Variants in CHCHD3 observed in about 807,000 individuals in gnomAD.
CHCHD3 encodes coiled-coil-helix-coiled-coil-helix domain containing 3.
A neutral mutation model predicts 38.2 loss-of-function variants in CHCHD3; 20 were observed. That is an observed-to-expected ratio of 0.52 (90% CI 0.37 to 0.76). CHCHD3 has a LOEUF of 0.76. CHCHD3 is among the 30% of genes least tolerant of loss of function. The pLI is 0.00. For synonymous variants in CHCHD3, 82 were observed against 100.0 expected (o/e 0.82, Z 1.07); for missense variants, 245 against 279.2 (o/e 0.88, Z 0.87).
chr7:132,792,453 C>T (rs187388878), intron 7 of CHCHD3, among the ~76,000 whole-genome samples: 10 of 152,274 alleles, frequency 6.6e-5, no homozygotes, highest in Middle Eastern at 3.4e-3. Flanking sequence ...AGAAAGGGTA[C>T]GTAGCAGTGG....
chr7:133,038,063 G>T (rs1489919503), intron 2 of CHCHD3, among the ~76,000 whole-genome samples: 1 of 152,096 alleles, frequency 6.6e-6, no homozygotes, highest in South Asian at 2.1e-4. Context: ...TATCAGTTTA[G>T]CTAACAGAAG....
At chr7:133,075,826 A>G (rs1814973490) in intron 1 of CHCHD3, among the ~76,000 whole-genome samples, 1 of 152,118 alleles carries the variant, frequency 6.6e-6, no homozygotes, top group Non-Finnish European at 1.5e-5. Context: ...TTGGGAGGCC[A>G]AGGCAGGCAG....
chr7:133,053,386 C>T (rs550682411), intron 2 of CHCHD3, among the ~76,000 whole-genome samples: 78 of 152,306 alleles, frequency 5.1e-4, no homozygotes, highest in Admixed American at 9.2e-4. Context: ...CAAATCCTGA[C>T]GCCTCTGCCT....
At chr7:133,062,519 G>A (rs1814545375) in intron 2 of CHCHD3, among the ~76,000 whole-genome samples, 2 of 151,910 alleles carry the variant, frequency 1.3e-5, no homozygotes, top group African/African-American at 4.8e-5. Context: ...GATTTGCTTG[G>A]TTATGACAAA....
rs1806285420 is a variant in CHCHD3 at position 132,785,307 on chromosome 7, G to A, written c.*330C>T. ...GGAGGTTCACCAAATGATGGGGCTT[G>A]TTCAGAAGAGAAACATTTTATGGTC... is the stretch of plus-strand genomic sequence containing the variant. On this transcript the variant is annotated 3_prime_UTR_variant, in exon 8 of 8. Coordinates refer to ENST00000262570, the MANE Select transcript of CHCHD3 (RefSeq NM_017812.4). 7.4e-6 allele frequency: 2 copies of A among 269,034 alleles called. No homozygotes were observed. The highest frequency in any genetic ancestry group is 1.4e-5 in the Non-Finnish European group (2 of 142,630). 16.7% of individuals were successfully genotyped at this position (269,034 alleles called of 1,614,324 possible). A position where few individuals can be genotyped will look rare whatever the true frequency, so the allele number is the denominator to read the frequency against.
intron 1 of CHCHD3, among the ~76,000 whole-genome samples, chr7:133,079,510 G>A (rs1320436706): frequency 6.6e-6 from 1 of 152,144 alleles, no homozygotes; most frequent in African/African-American, 2.4e-5. Flanking sequence ...TCATAATAAT[G>A]GCTGCCTTTT....
intron 6 of CHCHD3, among the ~76,000 whole-genome samples, chr7:132,796,966 GTTACA>G (rs1024816941): frequency 2.0e-4 from 30 of 152,198 alleles, no homozygotes; most frequent in African/African-American, 7.2e-4. Flanking sequence ...ACTCACTGTC[GTTACA>G]TTGCTTCCAA....
intron 4 of CHCHD3, among the ~76,000 whole-genome samples, chr7:132,969,234 G>A (rs1306066942): frequency 1.3e-5 from 2 of 151,350 alleles, no homozygotes; most frequent in Admixed American, 6.6e-5. Context: ...AATACACAAG[G>A]CAAGAATAAC....
chr7:132,796,658 A>G (rs1413574692), intron 6 of CHCHD3, 81 bp from the exon 7 acceptor site: 1 of 1,184,762 alleles, frequency 8.4e-7, no homozygotes, highest in Non-Finnish European at 1.2e-6. Flanking sequence ...CATAAAACGC[A>G]CAGTAAGACA....
chr7:132,902,801 A>G (rs1406141642), intron 4 of CHCHD3, among the ~76,000 whole-genome samples: 2 of 152,216 alleles, frequency 1.3e-5, no homozygotes, highest in Non-Finnish European at 2.9e-5. Flanking sequence ...CATGTACCCT[A>G]GAACTTAAAG....
At chr7:132,988,089 C>G (rs12155297) in intron 3 of CHCHD3, among the ~76,000 whole-genome samples, 107,896 of 151,990 alleles carry the variant, frequency 0.71, 38,464 homozygotes, top group African/African-American at 0.75. Context: ...ATGACTATTA[C>G]TAGTTCAGTT....
At chr7:133,065,613 C>T (rs368263779) in intron 2 of CHCHD3, among the ~76,000 whole-genome samples, 2 of 152,030 alleles carry the variant, frequency 1.3e-5, no homozygotes, top group African/African-American at 4.8e-5. Context: ...GTAAAAAAGG[C>T]GAGTGACATT....
Position 133,035,501 on chromosome 7 carries a change from C to G in CHCHD3, c.170-10874G>C. 1 of 1,613,542 alleles carries G rather than the reference C, an allele frequency of 6.2e-7. No homozygotes were observed. Among genetic ancestry groups the G allele is most frequent in the East Asian group, 2.2e-5 (1 of 44,876 alleles). ...TCGTCTTCAAGTAAGCATCCAGCAG[C>G]CCCAGAATTCGCCTCACTTCCTCCT... On this transcript the variant is annotated intron_variant, in intron 2 of 7. Coordinates refer to ENST00000262570, the MANE Select transcript of CHCHD3 (RefSeq NM_017812.4). The surrounding 1 kb of genome is among the most constrained non-coding windows in gnomAD (Gnocchi z 4.7).
intron 2 of CHCHD3, among the ~76,000 whole-genome samples, chr7:133,025,083 A>T (rs1451274164): frequency 6.6e-6 from 1 of 152,248 alleles, no homozygotes; most frequent in East Asian, 1.9e-4. Flanking sequence ...AATCATTTAT[A>T]GTTACATTCA....
intron 2 of CHCHD3, among the ~76,000 whole-genome samples, chr7:133,068,588 C>T (rs1814738206): frequency 6.6e-6 from 1 of 152,160 alleles, no homozygotes; most frequent in Admixed American, 6.5e-5. Flanking sequence ...TCTGTGTGCA[C>T]AGCACAGGGG....
At chr7:133,067,943 C>G (rs920945811) in intron 2 of CHCHD3, among the ~76,000 whole-genome samples, 1 of 151,990 alleles carries the variant, frequency 6.6e-6, no homozygotes, top group Non-Finnish European at 1.5e-5. Context: ...GGTGAAACCC[C>G]GTCTCTACTA....
intron 7 of CHCHD3, among the ~76,000 whole-genome samples, chr7:132,787,898 T>G (rs144900097): frequency 4.6e-5 from 7 of 152,214 alleles, no homozygotes; most frequent in South Asian, 2.1e-4. Context: ...GCTAGATGCA[T>G]TTAGGGAAAA....
intron 6 of CHCHD3, among the ~76,000 whole-genome samples, chr7:132,807,541 A>T (rs1244116466): frequency 6.7e-6 from 1 of 148,592 alleles, no homozygotes. Context: ...CTTATTCTGC[A>T]TGAGCTCATG....
At chr7:132,975,363 T>A in intron 3 of CHCHD3, 77 bp from the exon 4 acceptor site, 1 of 1,289,022 alleles carries the variant, frequency 7.8e-7, no homozygotes, top group Non-Finnish European at 1.1e-6. Context: ...TGAAATAATT[T>A]AAAAATAGAA....
Sources: allele counts gnomAD v4.1 joint callset (sites outside exome capture counted in the v4.1 genomes callset), GRCh38; gene constraint gnomAD v4.1.1; non-coding constraint Gnocchi (gnomAD v3.1); transcripts MANE v1.5; gene names NCBI Gene and HGNC (gene_info 2026-07-23, HGNC 2026-07-21).